PIAS2: variants seen among roughly 807,000 people sequenced by gnomAD.
The protein encoded by PIAS2 is E3 SUMO-protein ligase PIAS2.
In PIAS2, 19 loss-of-function variants were observed where a neutral mutation model predicts 69.7. The observed-to-expected ratio is 0.27, with a 90% CI of 0.19 to 0.40. PIAS2 has a LOEUF of 0.40. PIAS2 is among the 10% of genes least tolerant of loss of function. The probability of loss-of-function intolerance (pLI) is 1.00; values close to 1 mark genes in which losing one functional copy is unlikely to be tolerated. For synonymous variants in PIAS2, 261 were observed against 263.2 expected (o/e 0.99, Z 0.08); for missense variants, 624 against 757.0 (o/e 0.82, Z 2.06).
chr18:46,877,497 T>C (rs1038988040), intron 2 of PIAS2, among the ~76,000 whole-genome samples: 1 of 152,176 alleles, frequency 6.6e-6, no homozygotes, highest in Non-Finnish European at 1.5e-5. Flanking sequence ...TTCTGTAAAC[T>C]GCCCCTCCCG....
intron 1 of PIAS2, chr18:46,903,991 T>A (rs1315185885): frequency 6.6e-6 from 1 of 152,204 alleles, no homozygotes; most frequent in Non-Finnish European, 1.5e-5. Context: ...ATTCTATTTA[T>A]GTAATATTTT....
At chr18:46,919,257 C>G (rs148593381), upstream of PIAS2, among the ~76,000 whole-genome samples, 512 of 151,962 alleles carry the variant, frequency 3.4e-3, no homozygotes, top group Middle Eastern at 0.01. Context: ...GAGGCAGAGG[C>G]GGGCGGATCA....
chr18:46,917,196 GC>G, intron 1 of PIAS2, 125 bp downstream of exon 1: 1 of 1,248,946 alleles, frequency 8.0e-7, no homozygotes, highest in South Asian at 2.2e-5. Context: ...TCGTCCGCGG[GC>G]CGGGGCTCAG....
At chr18:46,867,117 C>T (rs2049606632) in intron 2 of PIAS2, among the ~76,000 whole-genome samples, 2 of 151,836 alleles carry the variant, frequency 1.3e-5, no homozygotes, top group South Asian at 4.2e-4. Context: ...ATAGAACTGG[C>T]AGCTTAATGT....
At chr18:46,890,295 A>C (rs1295918616) in intron 2 of PIAS2, among the ~76,000 whole-genome samples, 1 of 152,236 alleles carries the variant, frequency 6.6e-6, no homozygotes, top group Non-Finnish European at 1.5e-5. Flanking sequence ...TTACCAACAT[A>C]CTTAACACCA....
chr18:46,855,831 A>G (rs1011367592), intron 3 of PIAS2, among the ~76,000 whole-genome samples: 2 of 152,152 alleles, frequency 1.3e-5, no homozygotes, highest in African/African-American at 4.8e-5. Context: ...TGGCAATTTT[A>G]AGGTACCTTC....
chr18:46,824,176 G>A (rs1400397320), intron 11 of PIAS2, among the ~76,000 whole-genome samples: 3 of 152,064 alleles, frequency 2.0e-5, no homozygotes, highest in African/African-American at 7.2e-5. Context: ...TTAGTATTCC[G>A]GATTATATGC....
chr18:46,828,292 A>C (rs902119269), intron 10 of PIAS2, among the ~76,000 whole-genome samples, 162 bp from the exon 11 acceptor site: 10 of 152,160 alleles, frequency 6.6e-5, no homozygotes, highest in Non-Finnish European at 1.3e-4. Flanking sequence ...CTAACTCCAG[A>C]CCTCTGTCTG....
intron 2 of PIAS2, among the ~76,000 whole-genome samples, chr18:46,886,897 A>C (rs2053298803): frequency 6.6e-6 from 1 of 152,152 alleles, no homozygotes. Flanking sequence ...CCTGTTACTA[A>C]TTTTAAAAAT....
rs1292559164 is a variant in PIAS2, at chr18:46,917,015, T to C, written c.24+307A>G. ...CATCGGCCCTCACTGCGAACCGGGATGTCGGGTCCCCATGTGCCCCTCCTG... is the reference window on the plus strand; with the variant it reads ...CATCGGCCCTCACTGCGAACCGGGACGTCGGGTCCCCATGTGCCCCTCCTG... On this transcript the variant is annotated intron_variant, in intron 1 of 13. Transcript: ENST00000585916. 4 of 987,084 alleles carry C rather than the reference T, an allele frequency of 4.1e-6. No homozygotes were observed. The East Asian group carries it at 4.5e-4, about 112-fold the overall frequency. The allele number at this position is 987,084 out of a possible 1,614,324, so 61.1% of individuals were successfully genotyped here.
intron 2 of PIAS2, among the ~76,000 whole-genome samples, chr18:46,866,326 GA>G (rs2049453077): frequency 6.6e-6 from 1 of 152,130 alleles, no homozygotes; most frequent in African/African-American, 2.4e-5. Context: ...AGAAACAAGG[GA>G]ACAATGCAAA....
At chr18:46,863,010 T>A (rs1010269852) in intron 3 of PIAS2, among the ~76,000 whole-genome samples, 1 of 152,028 alleles carries the variant, frequency 6.6e-6, no homozygotes, top group Non-Finnish European at 1.5e-5. Context: ...CCAGCCTTTT[T>A]AAAAATATTT....
chr18:46,900,985 A>T, intron 1 of PIAS2: 1 of 386,210 alleles, frequency 2.6e-6, no homozygotes, highest in Non-Finnish European at 5.0e-6. Context: ...AAATAATATT[A>T]AAAAATAAAA....
At chr18:46,836,866 C>T (rs1407479123) in intron 8 of PIAS2, among the ~76,000 whole-genome samples, 1 of 152,122 alleles carries the variant, frequency 6.6e-6, no homozygotes, top group African/African-American at 2.4e-5. Context: ...AAGCATAAAC[C>T]AAGTGTGTAT....
At chr18:46,905,046 T>C (rs551942286) in intron 1 of PIAS2, among the ~76,000 whole-genome samples, 27 of 152,264 alleles carry the variant, frequency 1.8e-4, no homozygotes, top group African/African-American at 6.5e-4. Flanking sequence ...ATAATGAACA[T>C]ATATAAAACT....
intron 11 of PIAS2, among the ~76,000 whole-genome samples, chr18:46,825,191 A>C (rs1452027616): frequency 1.3e-5 from 2 of 152,298 alleles, no homozygotes; most frequent in East Asian, 3.9e-4. Context: ...ACAAGAAAGG[A>C]TATGAAAAGG....
At chr18:46,859,700 A>C (rs543886921) in intron 3 of PIAS2, among the ~76,000 whole-genome samples, 1 of 152,346 alleles carries the variant, frequency 6.6e-6, no homozygotes, top group African/African-American at 2.4e-5. Context: ...AAAGAACAAA[A>C]GATAAGCAGG....
At chr18:46,843,173 A>G (rs1373915623) in intron 8 of PIAS2, among the ~76,000 whole-genome samples, 2 of 152,198 alleles carry the variant, frequency 1.3e-5, no homozygotes, top group South Asian at 2.1e-4. Context: ...AATGAAGACA[A>G]CTCCTCCACA....
At chr18:46,875,681 A>G (rs1044527014) in intron 2 of PIAS2, among the ~76,000 whole-genome samples, 5 of 152,244 alleles carry the variant, frequency 3.3e-5, no homozygotes, top group Admixed American at 3.3e-4. Context: ...GAAAGAATTA[A>G]GGCAGACTAT....
Sources: allele counts gnomAD v4.1 joint callset (sites outside exome capture counted in the v4.1 genomes callset), GRCh38; gene constraint gnomAD v4.1.1; transcripts MANE v1.5; gene names NCBI Gene and HGNC (gene_info 2026-07-23, HGNC 2026-07-21).